The following MRTFA variants were observed in gnomAD, a reference collection of about 807,000 sequenced individuals.
MRTFA encodes the protein myocardin related transcription factor A.
A neutral mutation model predicts 83.5 loss-of-function variants in MRTFA; 20 were observed. That is an observed-to-expected ratio of 0.24 (90% CI 0.17 to 0.35). MRTFA has a LOEUF of 0.35. Among genes scored for constraint, MRTFA ranks in the 10% least tolerant of loss-of-function variants. MRTFA has a pLI of 1.00. For missense variants in MRTFA, 1,200 were observed against 1,224.7 expected, an observed-to-expected ratio of 0.98 and a Z score of 0.30; for synonymous variants, 659 against 541.2, an observed-to-expected ratio of 1.22 and a Z score of -3.02.
intron 14 of MRTFA, among the ~76,000 whole-genome samples, chr22:40,414,249 A>C (rs757762072): frequency 8.5e-5 from 13 of 152,328 alleles, no homozygotes; most frequent in Non-Finnish European, 1.8e-4. Context: ...AAGCTGAGGC[A>C]GGAGAATTGC....
At chr22:40,599,723 A>T (rs1258826504) in intron 1 of MRTFA, among the ~76,000 whole-genome samples, 3 of 151,938 alleles carry the variant, frequency 2.0e-5, no homozygotes, top group African/African-American at 7.3e-5. Context: ...ATATGGCAAA[A>T]CCCCATCGCT....
At chr22:40,423,485 A>G (rs1483312922) in intron 9 of MRTFA, 51 bp downstream of exon 9, 2 of 1,395,264 alleles carry the variant, frequency 1.4e-6, no homozygotes, top group East Asian at 2.7e-5. Context: ...TCACAGCAGG[A>G]CTCCAAAGGG....
intron 1 of MRTFA, among the ~76,000 whole-genome samples, chr22:40,612,987 T>C (rs1055716623): frequency 6.6e-6 from 1 of 152,200 alleles, no homozygotes; most frequent in Non-Finnish European, 1.5e-5. Context: ...ACTCTTCATA[T>C]CCTTTGCAGT....
In MRTFA at chr22:40,502,554, T is replaced by G. The variant is rs1312986384; in HGVS notation, c.242-39268A>C. ...TGGGATGGCGGCCGGGCGGAGACGCTCCTCACTTTCCAGACTGGGCAGCCA... is the reference window on the plus strand; with the variant it reads ...TGGGATGGCGGCCGGGCGGAGACGCGCCTCACTTTCCAGACTGGGCAGCCA... On this transcript the variant is annotated intron_variant, in intron 3 of 14. Coordinates refer to ENST00000355630, the MANE Select transcript of MRTFA (RefSeq NM_020831.6). 2.1e-5 allele frequency among the ~76,000 whole-genome samples: 3 copies of G among 143,142 alleles called. 1 individual carries two copies. The highest frequency in any genetic ancestry group is 4.6e-5 in the Non-Finnish European group (3 of 65,352). The allele number at this position is 143,142 out of a possible 152,430, so 93.9% of individuals were successfully genotyped here. A position where few individuals can be genotyped will look rare whatever the true frequency, so the allele number is the denominator to read the frequency against.
chr22:40,435,373 C>T (rs2053148143), intron 5 of MRTFA, 126 bp downstream of exon 5: 3 of 1,004,000 alleles, frequency 3.0e-6, no homozygotes, highest in South Asian at 1.3e-5. Flanking sequence ...CCAGGGCTGG[C>T]CCTAGAGTCT....
At chr22:40,583,795 C>A (rs1396026302) in intron 2 of MRTFA, among the ~76,000 whole-genome samples, 1 of 152,164 alleles carries the variant, frequency 6.6e-6, no homozygotes, top group Non-Finnish European at 1.5e-5. Context: ...AAAACCTTGC[C>A]CCCCTGCCTC....
chr22:40,442,987 C>G (rs1274062034), intron 4 of MRTFA, among the ~76,000 whole-genome samples: 1 of 152,190 alleles, frequency 6.6e-6, no homozygotes, highest in Non-Finnish European at 1.5e-5. Flanking sequence ...CAGTGGCTCA[C>G]ACCTGTAATC....
At chr22:40,553,690 G>C (rs897212760) in intron 2 of MRTFA, among the ~76,000 whole-genome samples, 2 of 152,226 alleles carry the variant, frequency 1.3e-5, no homozygotes, top group Non-Finnish European at 2.9e-5. Flanking sequence ...TACTAGGGCA[G>C]TATGGAAGGC....
Position 40,509,982 on chromosome 22 carries a change from TAAA to T in MRTFA, c.241+42121_241+42123del, listed in dbSNP as rs556051473. Among the ~76,000 whole-genome samples, 618 of 108,120 alleles carry T rather than the reference TAAA, an allele frequency of 5.7e-3. 10 individuals are homozygous for T. The highest frequency in any genetic ancestry group is 0.021 in the African/African-American group (582 of 27,564). The allele number at this position is 108,120 out of a possible 152,430, so 70.9% of individuals were successfully genotyped here. A position where few individuals can be genotyped will look rare whatever the true frequency, so the allele number is the denominator to read the frequency against. On this transcript the variant is annotated intron_variant, in intron 3 of 14. Coordinates refer to ENST00000355630, the MANE Select transcript of MRTFA (RefSeq NM_020831.6). Reference sequence around the variant, plus strand: ...ATCAAGAAACAGCAGCCAAGTACTTTAAAAAAAAAAAAAAAGTGAAGTTAATAC... The same window carrying T: ...ATCAAGAAACAGCAGCCAAGTACTTTAAAAAAAAAAAAGTGAAGTTAATAC...
intron 2 of MRTFA, among the ~76,000 whole-genome samples, chr22:40,583,970 T>C (rs1569339593): frequency 6.6e-6 from 1 of 152,190 alleles, no homozygotes; most frequent in Non-Finnish European, 1.5e-5. Flanking sequence ...GTATATATAG[T>C]ATTTGTCATC....
intron 9 of MRTFA, among the ~76,000 whole-genome samples, 164 bp from the exon 10 acceptor site, chr22:40,421,264 G>A (rs2052833513): frequency 6.6e-6 from 1 of 152,166 alleles, no homozygotes; most frequent in Non-Finnish European, 1.5e-5. Flanking sequence ...GTGAAAAGCA[G>A]AAATGTGCCC....
At chr22:40,516,745 C>G (rs1174246385) in intron 3 of MRTFA, among the ~76,000 whole-genome samples, 3 of 152,140 alleles carry the variant, frequency 2.0e-5, no homozygotes, top group African/African-American at 7.2e-5. Flanking sequence ...TAATTCAAAA[C>G]AGCATCCCTT....
chr22:40,436,752 T>C (rs2053177670), intron 4 of MRTFA, among the ~76,000 whole-genome samples: 1 of 152,198 alleles, frequency 6.6e-6, no homozygotes, highest in African/African-American at 2.4e-5. Flanking sequence ...TTTATAAGAC[T>C]GTGGTCAGTT....
At chr22:40,536,128 CAAAAAA>C (rs766454976) in intron 3 of MRTFA, among the ~76,000 whole-genome samples, 1 of 113,922 alleles carries the variant, frequency 8.8e-6, no homozygotes, top group Non-Finnish European at 1.9e-5. Context: ...CCATCTCTAC[CAAAAAA>C]AAAAAAAAGA....
intron 3 of MRTFA, among the ~76,000 whole-genome samples, chr22:40,486,576 A>G (rs1331626875): frequency 6.6e-6 from 1 of 152,216 alleles, no homozygotes; most frequent in Non-Finnish European, 1.5e-5. Context: ...ATGCTCATGC[A>G]TATTTCCATA....
At chr22:40,577,325 A>G (rs1952771288) in intron 2 of MRTFA, among the ~76,000 whole-genome samples, 1 of 151,796 alleles carries the variant, frequency 6.6e-6, no homozygotes, top group South Asian at 2.1e-4. Flanking sequence ...TATTCCTGAT[A>G]TGAGTGTATT....
intron 8 of MRTFA, among the ~76,000 whole-genome samples, 158 bp downstream of exon 8, chr22:40,424,048 C>T (rs1352677869): frequency 1.3e-5 from 2 of 152,182 alleles, no homozygotes; most frequent in African/African-American, 4.8e-5. Flanking sequence ...CTCCCACCAC[C>T]GGGGAGCTCA....
intron 2 of MRTFA, among the ~76,000 whole-genome samples, chr22:40,567,838 C>T (rs533386439): frequency 1.5e-4 from 23 of 152,228 alleles, no homozygotes; most frequent in Admixed American, 9.2e-4. Context: ...TGAAGAACAG[C>T]CCTATTTTCC....
chr22:40,630,226 G>C (rs1455555912), intron 1 of MRTFA, among the ~76,000 whole-genome samples: 1 of 152,140 alleles, frequency 6.6e-6, no homozygotes, highest in Non-Finnish European at 1.5e-5. Context: ...TGAGGCAGGA[G>C]AATCGCTTGA....
Sources: allele counts gnomAD v4.1 joint callset (sites outside exome capture counted in the v4.1 genomes callset), GRCh38; gene constraint gnomAD v4.1.1; transcripts MANE v1.5; gene names NCBI Gene and HGNC (gene_info 2026-07-23, HGNC 2026-07-21).